The following MYO3A variants were observed in gnomAD, a reference collection of about 807,000 sequenced individuals.
MYO3A encodes the protein myosin IIIA.
MYO3A carries 180 observed loss-of-function variants against 192.7 expected under a neutral mutation model. That is an observed-to-expected ratio of 0.93 (90% CI 0.83 to 1.06). The LOEUF (loss-of-function observed/expected upper bound fraction) is 1.06, where lower values mean the gene tolerates loss of function less well. Among genes scored for constraint, MYO3A ranks in the 50% least tolerant of loss-of-function variants. MYO3A has a pLI of 0.00. For missense variants in MYO3A, 1,896 were observed against 1,905.0 expected (o/e 1.00, Z 0.09); for synonymous variants, 628 against 645.3 (o/e 0.97, Z 0.41).
At chr10:26,165,972 T>C (rs1841721602) in intron 26 of MYO3A, 95 bp from the exon 27 acceptor site, 1 of 1,023,302 alleles carries the variant, frequency 9.8e-7, no homozygotes, top group African/African-American at 1.6e-5. Context: ...GGGCATCTCT[T>C]CCTCAGCCCC....
rs570749940 is a variant in MYO3A at position 26,070,120 on chromosome 10, C to T, written c.1180C>T (p.Leu394=). Residue 394 remains leucine (L), a synonymous_variant, in exon 13 of 35, where the codon CTA becomes TTA. Coordinates refer to ENST00000642920, the MANE Select transcript of MYO3A (RefSeq NM_017433.5). ...TCTTTTTAACCTTTAGCATTCCAAA[C>T]TATATATTGGATCAAAGAGAACTGC... ...LGLYSTKHSK[L]YIGSKRTASP... 2.4e-5 allele frequency: 38 copies of T among 1,607,118 alleles called. No individual in the cohort carries two copies. The South Asian group carries it at 4.2e-4, about 18-fold the overall frequency.
rs751362549 is a variant in MYO3A at position 26,132,956 on chromosome 10, TA to T, written c.2262+4419del. 2.0e-5 allele frequency among the ~76,000 whole-genome samples: 3 copies of T among 152,294 alleles called. No individual in the cohort carries two copies. In the East Asian group the frequency reaches 5.8e-4, roughly 29 times the overall value. On this transcript the variant is annotated intron_variant, in intron 20 of 34. Coordinates refer to ENST00000642920, the MANE Select transcript of MYO3A (RefSeq NM_017433.5). ...GCTCCAACACATAATTTGTGGCAATTACAAAGAATAAAAATTCACTTAATAT... is the reference window on the plus strand; with the variant it reads ...GCTCCAACACATAATTTGTGGCAATTCAAAGAATAAAAATTCACTTAATAT...
chr10:26,077,982 G>A (rs1835695939), intron 14 of MYO3A, among the ~76,000 whole-genome samples: 1 of 151,972 alleles, frequency 6.6e-6, no homozygotes, highest in Non-Finnish European at 1.5e-5. Context: ...TCCTTTCCTG[G>A]TTTTGGTATT....
rs1048402685 is a variant in MYO3A, at chr10:26,119,817, A to G, written c.1777-859A>G. Reference sequence around the variant, plus strand: ...TTTGATGTACCTTAATTAGGAATGTATGTTAAAGAAGTAATAACTACTATA... The same window carrying G: ...TTTGATGTACCTTAATTAGGAATGTGTGTTAAAGAAGTAATAACTACTATA... On this transcript the variant is annotated intron_variant, in intron 17 of 34. Coordinates refer to ENST00000642920, the MANE Select transcript of MYO3A (RefSeq NM_017433.5). Among the ~76,000 whole-genome samples, 26 of 152,292 alleles carry G rather than the reference A, an allele frequency of 1.7e-4. 1 individual carries two copies. The highest frequency in any genetic ancestry group is 4.1e-4 in the South Asian group (2 of 4,828).
chr10:26,056,719 C>T (rs1462865903), intron 10 of MYO3A, among the ~76,000 whole-genome samples: 1 of 152,160 alleles, frequency 6.6e-6, no homozygotes, highest in Non-Finnish European at 1.5e-5. Context: ...TATCTTCCCT[C>T]ACAAAATCTG....
chr10:26,091,639 A>G (rs759922883), intron 15 of MYO3A, among the ~76,000 whole-genome samples: 67 of 152,222 alleles, frequency 4.4e-4, no homozygotes, highest in Non-Finnish European at 1.2e-4. Flanking sequence ...TTATGGAGCA[A>G]TTACTCTATG....
intron 17 of MYO3A, among the ~76,000 whole-genome samples, chr10:26,109,368 T>C (rs1379382221): frequency 1.3e-5 from 2 of 152,140 alleles, no homozygotes; most frequent in East Asian, 1.9e-4. Flanking sequence ...AAACAGAAAA[T>C]TCTAGAAATA....
intron 18 of MYO3A, among the ~76,000 whole-genome samples, chr10:26,121,296 A>T (rs78939177): frequency 5.3e-5 from 8 of 151,970 alleles, no homozygotes; most frequent in Non-Finnish European, 8.8e-5. Flanking sequence ...TTAATAGTAG[A>T]GTTTGATAAA....
intron 6 of MYO3A, among the ~76,000 whole-genome samples, chr10:26,010,476 T>G (rs1841575147): frequency 6.8e-6 from 1 of 147,578 alleles, no homozygotes; most frequent in African/African-American, 2.5e-5. Context: ...TTTTTTGTTT[T>G]GTTTTTTTAT....
At chr10:26,125,654 G>A in intron 19 of MYO3A, 46 bp downstream of exon 19, 1 of 1,482,742 alleles carries the variant, frequency 6.7e-7, no homozygotes, top group South Asian at 1.1e-5. Flanking sequence ...GTCAGGTGAT[G>A]TAAGTCTACT....
At chr10:26,041,556 G>T (rs955089825) in intron 10 of MYO3A, among the ~76,000 whole-genome samples, 2 of 150,816 alleles carry the variant, frequency 1.3e-5, no homozygotes, top group Non-Finnish European at 3.0e-5. Context: ...CTGGTGGTAT[G>T]ATTTAATTTC....
intron 4 of MYO3A, among the ~76,000 whole-genome samples, chr10:25,956,277 G>A (rs1016754480): frequency 5.3e-5 from 8 of 151,862 alleles, no homozygotes; most frequent in African/African-American, 1.9e-4. Context: ...AAGTGTAATA[G>A]GCACAATAAT....
intron 14 of MYO3A, 103 bp from the exon 15 acceptor site, chr10:26,088,100 T>C (rs1291886412): frequency 8.8e-6 from 8 of 912,364 alleles, no homozygotes; most frequent in Admixed American, 2.7e-5. Context: ...CATGCTTTTG[T>C]ATGTTTATAT....
At chr10:26,021,695 CCTCCAGCCACCAAGTGTTCATCATG>C in intron 8 of MYO3A, 47 bp downstream of exon 8, 1 of 1,604,888 alleles carries the variant, frequency 6.2e-7, no homozygotes, top group East Asian at 2.2e-5. Flanking sequence ...CGATTTACTT[CCTCCAGCCACCAAGTGTTCATCATG>C]CTCTTCATGG....
At chr10:26,019,099 C>A (rs530378172) in intron 7 of MYO3A, among the ~76,000 whole-genome samples, 6 of 151,822 alleles carry the variant, frequency 4.0e-5, no homozygotes, top group African/African-American at 1.5e-4. Flanking sequence ...GTTTTTGCTC[C>A]CCCTCAAAGA....
intron 4 of MYO3A, among the ~76,000 whole-genome samples, chr10:25,985,729 G>T (rs984992144): frequency 4.6e-5 from 7 of 152,056 alleles, no homozygotes; most frequent in Admixed American, 1.3e-4. Context: ...AAAAGTCCAG[G>T]ATCAGACAGA....
At chr10:25,966,575 A>G (rs188604264) in intron 4 of MYO3A, among the ~76,000 whole-genome samples, 1 of 152,198 alleles carries the variant, frequency 6.6e-6, no homozygotes, top group Admixed American at 6.5e-5. Context: ...CCTGAAAACA[A>G]ACAAAAAAAA....
chr10:26,078,752 T>C (rs1297094240), intron 14 of MYO3A, among the ~76,000 whole-genome samples: 3 of 152,126 alleles, frequency 2.0e-5, no homozygotes, highest in Non-Finnish European at 4.4e-5. Flanking sequence ...CCCTCTTGAT[T>C]TTGTTTTTGA....
intron 3 of MYO3A, 44 bp from the exon 4 acceptor site, chr10:25,954,830 C>T: frequency 1.3e-6 from 2 of 1,584,922 alleles, no homozygotes; most frequent in Non-Finnish European, 1.7e-6. Flanking sequence ...TGACATTACT[C>T]ATGGTTTTCT....
Sources: gnomAD v4.1 joint callset for allele counts (sites outside exome capture counted in the v4.1 genomes callset) on GRCh38, gnomAD v4.1.1 for gene constraint, MANE v1.5 for transcripts, NCBI Gene and HGNC (gene_info 2026-07-23, HGNC 2026-07-21) for gene names.